Variants in THADA observed in about 807,000 individuals in gnomAD.
THADA encodes THADA armadillo repeat containing.
Under a neutral mutation model 219.8 loss-of-function variants are expected in THADA, and 213 were observed. That is an observed-to-expected ratio of 0.97 (90% CI 0.87 to 1.09). THADA has a LOEUF of 1.09. THADA is among the 50% of genes least tolerant of loss of function. The pLI, the probability that THADA is intolerant of heterozygous loss-of-function variation, is 0.00. For missense variants in THADA, 2,956 were observed against 2,311.3 expected, an observed-to-expected ratio of 1.28 and a Z score of -5.72; for synonymous variants, 1,018 against 828.9, an observed-to-expected ratio of 1.23 and a Z score of -3.92.
Position 43,556,402 on chromosome 2 carries a change from C to T in THADA, c.2617G>A (p.Val873Ile). The T allele has an allele frequency of 6.2e-7, 1 of 1,613,860 alleles. No homozygotes were observed. Among genetic ancestry groups the T allele is most frequent in the Non-Finnish European group, 8.5e-7 (1 of 1,179,832 alleles). The part of the protein sequence containing the change: ...SSLSAYLTQQ[V>I]ACDNGDRPAA... Reference sequence around the variant, plus strand: ...GGCCTATCTCCATTATCACATGCAACTTGCTGAGTTAAGTAGGCAGACAAG... The same window carrying T: ...GGCCTATCTCCATTATCACATGCAATTTGCTGAGTTAAGTAGGCAGACAAG... Residue 873 changes from valine to isoleucine, a missense_variant, in exon 17 of 38, where the codon GTT (valine) becomes ATT (isoleucine). Coordinates refer to ENST00000405975, the MANE Select transcript of THADA (RefSeq NM_022065.5).
chr2:43,245,490 G>C (rs1010886890), intron 36 of THADA, among the ~76,000 whole-genome samples: 1 of 152,114 alleles, frequency 6.6e-6, no homozygotes, highest in Admixed American at 6.5e-5. Flanking sequence ...TCTTTTATAA[G>C]AAAGTAAGTC....
At chr2:43,274,595 G>T (rs146145486) in intron 36 of THADA, among the ~76,000 whole-genome samples, 1 of 152,274 alleles carries the variant, frequency 6.6e-6, no homozygotes, top group African/African-American at 2.4e-5. Flanking sequence ...ATGCTGCAGC[G>T]GCTCAGGGAA....
intron 28 of THADA, among the ~76,000 whole-genome samples, chr2:43,415,595 A>G (rs754801987): frequency 2.6e-4 from 39 of 152,286 alleles, no homozygotes; most frequent in Non-Finnish European, 4.9e-4. Flanking sequence ...ACTCAGGAAT[A>G]TTTATCCAAG....
At chr2:43,430,478 G>C (rs1381410723) in intron 26 of THADA, among the ~76,000 whole-genome samples, 176 bp from the exon 27 acceptor site, 1 of 152,154 alleles carries the variant, frequency 6.6e-6, no homozygotes, top group Admixed American at 6.5e-5. Context: ...TGGTAATTCT[G>C]ATTTCTGAAG....
intron 26 of THADA, among the ~76,000 whole-genome samples, chr2:43,454,510 G>T (rs1455418977): frequency 6.6e-6 from 1 of 152,012 alleles, no homozygotes; most frequent in Non-Finnish European, 1.5e-5. Flanking sequence ...GCTGAGGTGG[G>T]AACATCTCTT....
intron 22 of THADA, among the ~76,000 whole-genome samples, chr2:43,515,244 TATATTATATATA>T (rs1691456367): frequency 3.3e-5 from 2 of 60,150 alleles, no homozygotes; most frequent in Non-Finnish European, 6.1e-5. Flanking sequence ...TAATATATAA[TATATTATATATA>T]ATATATAATA....
chr2:43,511,452 T>C (rs888110573), intron 22 of THADA, among the ~76,000 whole-genome samples: 2 of 152,196 alleles, frequency 1.3e-5, no homozygotes, highest in African/African-American at 4.8e-5. Flanking sequence ...CTTCCCTGCA[T>C]GAACTTTCAG....
In THADA at chr2:43,574,929, G is replaced by T; in HGVS notation, c.1136C>A (p.Thr379Lys). ...QVLESSSPSLTDSLNGNSSIV... is the reference protein window; with the variant it reads ...QVLESSSPSLKDSLNGNSSIV... The stretch of plus-strand genomic sequence containing the variant: ...ACTTGAATTCCCATTCAGGCTGTCC[G>T]TTAGGCTCGGGGAACTTGATTCAAG... The change falls in exon 11 of 38, where the codon ACG becomes AAG. Residue 379 changes from threonine (T) to lysine (K), a missense_variant. Transcript: ENST00000405975. 1 of 1,613,982 alleles carries T rather than the reference G, an allele frequency of 6.2e-7. No individual in the cohort carries two copies. Among genetic ancestry groups the T allele is most frequent in the Non-Finnish European group, 8.5e-7 (1 of 1,179,886 alleles).
At chr2:43,518,620 A>G (rs1317415579) in intron 22 of THADA, among the ~76,000 whole-genome samples, 1 of 152,262 alleles carries the variant, frequency 6.6e-6, no homozygotes, top group African/African-American at 2.4e-5. Context: ...TTATGAACAC[A>G]GAGTAGAAAC....
rs187307796 is a variant in THADA, at chr2:43,340,378, G to C, written c.4343+3744C>G. Among the ~76,000 whole-genome samples the C allele has an allele frequency of 4.6e-5, 7 of 152,320 alleles. No individual in the cohort carries two copies. In the East Asian group the frequency reaches 1.2e-3, roughly 25 times the overall value. ...TATAAATCCCTATTAATCTTGCAAA[G>C]TCAAAACACAAATATAGGACAAAAG... On this transcript the variant is annotated intron_variant, in intron 30 of 37. Transcript: ENST00000405975.
At chr2:43,423,177 T>C (rs1003395012) in intron 28 of THADA, among the ~76,000 whole-genome samples, 1 of 152,178 alleles carries the variant, frequency 6.6e-6, no homozygotes, top group African/African-American at 2.4e-5. Context: ...AGTCCTATGC[T>C]TGAAGGTTAT....
rs1413723006 is a variant in THADA at position 43,577,580 on chromosome 2, C to T, written c.817-338G>A. Among the ~76,000 whole-genome samples the T allele has an allele frequency of 4.0e-5, 6 of 149,876 alleles. No homozygotes were observed. In the East Asian group the frequency reaches 5.9e-4, roughly 15 times the overall value. On this transcript the variant is annotated intron_variant, in intron 9 of 37. Transcript: ENST00000405975. The stretch of plus-strand genomic sequence containing the variant: ...AGGTGATTTGAGAAATAAACATCTT[C>T]GACTTATCCAAAGATAATTACTTTG...
intron 29 of THADA, among the ~76,000 whole-genome samples, chr2:43,371,584 A>C (rs1489312810): frequency 8.5e-5 from 13 of 152,242 alleles, no homozygotes; most frequent in Admixed American, 7.9e-4. Flanking sequence ...AAGAAAAAAA[A>C]CAAAACATGC....
chr2:43,258,549 A>C (rs899669648), intron 36 of THADA, among the ~76,000 whole-genome samples: 2 of 152,142 alleles, frequency 1.3e-5, no homozygotes, highest in African/African-American at 4.8e-5. Context: ...AATAAAAATA[A>C]AAATAAAAAT....
intron 28 of THADA, among the ~76,000 whole-genome samples, chr2:43,411,981 T>A (rs1282401653): frequency 6.6e-6 from 1 of 152,152 alleles, no homozygotes; most frequent in African/African-American, 2.4e-5. Flanking sequence ...TCTTTCAAAG[T>A]GTCCAGGTGA....
At chr2:43,357,792 C>A (rs766682989) in intron 29 of THADA, among the ~76,000 whole-genome samples, 10 of 152,132 alleles carry the variant, frequency 6.6e-5, no homozygotes, top group Non-Finnish European at 1.3e-4. Context: ...ATATTATGAT[C>A]CCATTTTTAT....
chr2:43,556,656 G>T, intron 16 of THADA, 101 bp from the exon 17 acceptor site: 2 of 1,121,964 alleles, frequency 1.8e-6, no homozygotes, highest in Non-Finnish European at 2.5e-6. Context: ...GAGTACAGTG[G>T]GCTCGAGCCT....
chr2:43,262,832 T>C (rs1671111354), intron 36 of THADA, among the ~76,000 whole-genome samples: 2 of 152,200 alleles, frequency 1.3e-5, no homozygotes, highest in African/African-American at 4.8e-5. Context: ...TCTCATGCCT[T>C]ACCTAGGCCC....
At chr2:43,255,128 T>C (rs941739337) in intron 36 of THADA, among the ~76,000 whole-genome samples, 12 of 152,094 alleles carry the variant, frequency 7.9e-5, no homozygotes, top group Admixed American at 2.6e-4. Context: ...GGGGGCAGAG[T>C]ATGTAGCTTT....
Sources: gnomAD v4.1 joint callset for allele counts (sites outside exome capture counted in the v4.1 genomes callset) on GRCh38, gnomAD v4.1.1 for gene constraint, MANE v1.5 for transcripts, NCBI Gene and HGNC (gene_info 2026-07-23, HGNC 2026-07-21) for gene names.